Variants in TANC1 observed in about 807,000 individuals in gnomAD.
The protein encoded by TANC1 is tetratricopeptide repeat, ankyrin repeat and coiled-coil containing 1.
In TANC1, 77 loss-of-function variants were observed where a neutral mutation model predicts 149.7. The observed-to-expected ratio is 0.51, with a 90% confidence interval of 0.43 to 0.62. The LOEUF is 0.62. Ranked by LOEUF, TANC1 falls within the 20% of genes least tolerant of loss-of-function variation. The pLI is 0.00. For missense variants in TANC1, 1,985 were observed against 2,321.8 expected (o/e 0.85, Z 2.98); for synonymous variants, 854 against 925.0 (o/e 0.92, Z 1.39).
At chr2:159,148,267 G>A (rs2052364403) in intron 5 of TANC1, 1 of 152,216 alleles carries the variant, frequency 6.6e-6, no homozygotes, top group South Asian at 2.1e-4. Context: ...TGAGAGACGT[G>A]TTAGAAGGAT....
chr2:159,027,993 C>T (rs1042212835), intron 2 of TANC1, among the ~76,000 whole-genome samples: 2 of 152,168 alleles, frequency 1.3e-5, no homozygotes, highest in African/African-American at 2.4e-5. Flanking sequence ...ATGGGAGCCC[C>T]ATCCCGATGA....
chr2:158,974,659 C>T (rs1390487318), intron 1 of TANC1, among the ~76,000 whole-genome samples: 1 of 152,130 alleles, frequency 6.6e-6, no homozygotes, highest in East Asian at 1.9e-4. Context: ...TCTTGAACTC[C>T]TGACCTCAGG....
At chr2:159,183,733 G>T (rs1057472098) in intron 14 of TANC1, among the ~76,000 whole-genome samples, 1 of 152,086 alleles carries the variant, frequency 6.6e-6, no homozygotes. Context: ...AACATTGTCA[G>T]AAACATCACT....
chr2:159,169,158 C>A, intron 8 of TANC1, 92 bp from the exon 9 acceptor site: 3 of 973,654 alleles, frequency 3.1e-6, no homozygotes, highest in Non-Finnish European at 3.0e-6. Context: ...AAAGCCTGAA[C>A]TGAATTGCTT....
chr2:159,156,473 T>G (rs2053454853), intron 7 of TANC1, among the ~76,000 whole-genome samples: 1 of 152,188 alleles, frequency 6.6e-6, no homozygotes. Context: ...GCGCCTACTG[T>G]GTACCAGGAG....
intron 1 of TANC1, among the ~76,000 whole-genome samples, chr2:158,997,504 TC>T (rs1275495507): frequency 6.6e-6 from 1 of 152,184 alleles, no homozygotes; most frequent in Non-Finnish European, 1.5e-5. Flanking sequence ...GTATCTTGGT[TC>T]CTAAATTCCA....
chr2:159,161,053 C>T (rs1160460084), intron 7 of TANC1, among the ~76,000 whole-genome samples: 1 of 152,148 alleles, frequency 6.6e-6, no homozygotes, highest in African/African-American at 2.4e-5. Flanking sequence ...TCCACCTGTC[C>T]TGCCATCAGG....
chr2:159,010,572 T>C (rs899360911), intron 2 of TANC1, among the ~76,000 whole-genome samples: 1 of 152,188 alleles, frequency 6.6e-6, no homozygotes, highest in East Asian at 1.9e-4. Context: ...AACCCTGGGG[T>C]CTGCCTCACA....
chr2:159,164,854 C>T (rs1391909919), intron 8 of TANC1, among the ~76,000 whole-genome samples: 3 of 152,108 alleles, frequency 2.0e-5, no homozygotes, highest in African/African-American at 2.4e-5. Flanking sequence ...AGTGAAATGG[C>T]CTTGTTCCAG....
At chr2:158,989,287 C>T (rs2035358682) in intron 1 of TANC1, among the ~76,000 whole-genome samples, 1 of 152,032 alleles carries the variant, frequency 6.6e-6, no homozygotes, top group Non-Finnish European at 1.5e-5. Flanking sequence ...CTGGCTCCAC[C>T]ATGATTTGGG....
rs1299976305 is a variant in TANC1, at chr2:159,180,931, G to A, written c.2510+1768G>A. Among the ~76,000 whole-genome samples the A allele has an allele frequency of 7.2e-5, 11 of 152,294 alleles. No homozygotes were observed. The East Asian group carries it at 9.7e-4, about 13-fold the overall frequency. On this transcript the variant is annotated intron_variant, in intron 14 of 26. Transcript: ENST00000263635. ...CTCACAAGAGGGAGAAGCTCCCAGCGTAAGTAAAGGGGCCTGGGGAGGTGA... is the reference window on the plus strand; with the variant it reads ...CTCACAAGAGGGAGAAGCTCCCAGCATAAGTAAAGGGGCCTGGGGAGGTGA...
At chr2:158,996,422 A>C (rs2036142011) in intron 1 of TANC1, among the ~76,000 whole-genome samples, 1 of 152,254 alleles carries the variant, frequency 6.6e-6, no homozygotes, top group Non-Finnish European at 1.5e-5. Flanking sequence ...ACATATGTTA[A>C]ATAAATGCCA....
At chr2:159,180,920 A>T (rs994712258) in intron 14 of TANC1, among the ~76,000 whole-genome samples, 1 of 152,122 alleles carries the variant, frequency 6.6e-6, no homozygotes, top group Non-Finnish European at 1.5e-5. Flanking sequence ...CAAGAGGGAG[A>T]AGCTCCCAGC....
chr2:159,097,270 A>G (rs1173789906), intron 3 of TANC1, among the ~76,000 whole-genome samples: 1 of 152,160 alleles, frequency 6.6e-6, no homozygotes, highest in Non-Finnish European at 1.5e-5. Flanking sequence ...TGTTTTACTG[A>G]TACTCATGTA....
chr2:159,223,461 T>G (rs891824875), intron 22 of TANC1, among the ~76,000 whole-genome samples: 3 of 152,232 alleles, frequency 2.0e-5, no homozygotes, highest in Non-Finnish European at 4.4e-5. Context: ...TTGTAGTTCT[T>G]TGTGTAGATA....
intron 5 of TANC1, among the ~76,000 whole-genome samples, chr2:159,141,851 T>C (rs1426491121): frequency 1.3e-5 from 2 of 152,186 alleles, no homozygotes; most frequent in East Asian, 1.9e-4. Context: ...CACAGTATTC[T>C]GGTAATCATG....
rs186438009 is a variant in TANC1, at chr2:159,101,871, C to A, written c.259+4037C>A. Among the ~76,000 whole-genome samples the A allele has an allele frequency of 9.2e-5, 14 of 152,240 alleles. No homozygotes were observed. In the East Asian group the frequency reaches 2.5e-3, roughly 27 times the overall value. On this transcript the variant is annotated intron_variant, in intron 4 of 26. Transcript: ENST00000263635. ...GAAATGCTGTGATGGAGTAAGACAG[C>A]AGATGGTGACAAGTGGGCGATACTG...
intron 2 of TANC1, among the ~76,000 whole-genome samples, chr2:159,038,402 G>A (rs973158800): frequency 6.6e-6 from 1 of 152,156 alleles, no homozygotes; most frequent in Non-Finnish European, 1.5e-5. Context: ...AATAGGAGTG[G>A]TGAGAGAGGG....
At chr2:159,189,597 C>A (rs866647744) in intron 16 of TANC1, among the ~76,000 whole-genome samples, 1 of 152,142 alleles carries the variant, frequency 6.6e-6, no homozygotes, top group Non-Finnish European at 1.5e-5. Flanking sequence ...TTTACAACCA[C>A]CAAGTGAAGT....
Sources: gnomAD v4.1 joint callset for allele counts (sites outside exome capture counted in the v4.1 genomes callset) on GRCh38, gnomAD v4.1.1 for gene constraint, MANE v1.5 for transcripts, NCBI Gene and HGNC (gene_info 2026-07-23, HGNC 2026-07-21) for gene names.